The following SPMIP7 variants were observed in gnomAD, a reference collection of about 807,000 sequenced individuals.
The protein encoded by SPMIP7 is sperm microtubule inner protein 7, also known as protein SPMIP7.
the SPMIP7 span, among the ~76,000 whole-genome samples, chr7:50,123,447 T>G: frequency 7.0e-6 from 1 of 142,942 alleles, no homozygotes; most frequent in African/African-American, 2.6e-5. Flanking sequence ...GGGATAGCAT[T>G]AGGAGATATA....
the SPMIP7 span, chr7:50,104,260 G>T: frequency 3.6e-6 from 3 of 823,212 alleles, no homozygotes; most frequent in Admixed American, 2.5e-5. Flanking sequence ...TGTTGAAAAA[G>T]AACTTTTATT....
the SPMIP7 span, among the ~76,000 whole-genome samples, chr7:50,125,662 G>T: frequency 1.3e-5 from 2 of 150,590 alleles, no homozygotes; most frequent in Middle Eastern, 3.4e-3. Flanking sequence ...AAAAGAAAAA[G>T]AACTTCCATT....
At chr7:50,112,071 G>A in the SPMIP7 span, among the ~76,000 whole-genome samples, 6 of 151,576 alleles carry the variant, frequency 4.0e-5, no homozygotes, top group Admixed American at 6.6e-5. Context: ...ATACAAATCA[G>A]TGACAAAAAA....
the SPMIP7 span, among the ~76,000 whole-genome samples, chr7:50,100,607 T>C: frequency 2.0e-5 from 3 of 151,996 alleles, no homozygotes; most frequent in African/African-American, 7.3e-5. Flanking sequence ...GGTCAGGAGA[T>C]CGAGACCATT....
At chr7:50,157,883 C>A in the SPMIP7 span, among the ~76,000 whole-genome samples, 13 of 134,356 alleles carry the variant, frequency 9.7e-5, no homozygotes, top group Non-Finnish European at 1.3e-4. Context: ...AAGCATTCCA[C>A]ATTTTCAAAG....
At chr7:50,142,843 A>C in the SPMIP7 span, 1 of 152,136 alleles carries the variant, frequency 6.6e-6, no homozygotes, top group Non-Finnish European at 1.5e-5. Context: ...TCTAGTTTTG[A>C]TACATACATA....
chr7:50,110,161 T>A, the SPMIP7 span, among the ~76,000 whole-genome samples: 1 of 151,862 alleles, frequency 6.6e-6, no homozygotes, highest in Non-Finnish European at 1.5e-5. Flanking sequence ...ATTTTTTAAA[T>A]GTAAAATTTC....
At chr7:50,155,334 G>C in the SPMIP7 span, among the ~76,000 whole-genome samples, 1 of 152,094 alleles carries the variant, frequency 6.6e-6, no homozygotes, top group Non-Finnish European at 1.5e-5. Flanking sequence ...TAGACATTTA[G>C]ACAAGTAATA....
the SPMIP7 span, chr7:50,141,315 G>T: frequency 6.4e-7 from 1 of 1,552,052 alleles, no homozygotes; most frequent in Non-Finnish European, 8.7e-7. Flanking sequence ...TGATGATGTT[G>T]ACAACCCCTT....
At chr7:50,129,754 G>A in the SPMIP7 span, 1 of 1,549,020 alleles carries the variant, frequency 6.5e-7, no homozygotes, top group South Asian at 1.2e-5. Flanking sequence ...AACAAGAAAT[G>A]TAATGCAAAG....
the SPMIP7 span, chr7:50,151,482 T>C: frequency 6.4e-7 from 1 of 1,551,662 alleles, no homozygotes; most frequent in African/African-American, 1.4e-5. Flanking sequence ...ACCGGCAAGG[T>C]TCATTTCACA....
chr7:50,120,344 A>G, the SPMIP7 span: 1 of 152,296 alleles, frequency 6.6e-6, no homozygotes, highest in East Asian at 1.9e-4. Context: ...AAAAATCTTG[A>G]AATTTGTAGC....
chr7:50,148,868 C>T, the SPMIP7 span, among the ~76,000 whole-genome samples: 1 of 152,082 alleles, frequency 6.6e-6, no homozygotes, highest in Admixed American at 6.5e-5. Flanking sequence ...GGGGCTGGGC[C>T]GGGCACGGTG....
At chr7:50,123,311 G>T in the SPMIP7 span, among the ~76,000 whole-genome samples, 1 of 112,172 alleles carries the variant, frequency 8.9e-6, no homozygotes, top group Non-Finnish European at 1.8e-5. Flanking sequence ...GTAAACTATC[G>T]CAAGAACAAA....
the SPMIP7 span, among the ~76,000 whole-genome samples, chr7:50,145,572 A>G: frequency 6.2e-4 from 25 of 40,440 alleles, no homozygotes; most frequent in East Asian, 9.3e-3. Flanking sequence ...ATATATATGT[A>G]TATATATATA....
chr7:50,130,609 A>G, the SPMIP7 span, among the ~76,000 whole-genome samples: 1 of 152,286 alleles, frequency 6.6e-6, no homozygotes. Flanking sequence ...AATAGATCAT[A>G]TCTTAAAAAG....
At chr7:50,144,562 AT>A in the SPMIP7 span, among the ~76,000 whole-genome samples, 1 of 152,238 alleles carries the variant, frequency 6.6e-6, no homozygotes, top group Non-Finnish European at 1.5e-5. Flanking sequence ...CTCTACATAT[AT>A]GTTTGTACAC....
the SPMIP7 span, among the ~76,000 whole-genome samples, chr7:50,155,124 C>T: frequency 3.5e-4 from 54 of 152,220 alleles, no homozygotes; most frequent in African/African-American, 1.3e-3. Flanking sequence ...AAATATTTTC[C>T]CCCAGTCTGT....
the SPMIP7 span, among the ~76,000 whole-genome samples, chr7:50,134,919 A>T: frequency 6.6e-6 from 1 of 152,068 alleles, no homozygotes; most frequent in African/African-American, 2.4e-5. Context: ...CGTGACACAG[A>T]CCCAATTCTC....
Sources: allele counts gnomAD v4.1 joint callset (sites outside exome capture counted in the v4.1 genomes callset), GRCh38; gene constraint gnomAD v4.1.1; transcripts MANE v1.5; gene names NCBI Gene and HGNC (gene_info 2026-07-23, HGNC 2026-07-21).